Variants in USP34 observed in about 807,000 individuals in gnomAD.
USP34 encodes ubiquitin specific peptidase 34, also known as ubiquitin carboxyl-terminal hydrolase 34.
In USP34, 70 loss-of-function variants were observed where a neutral mutation model predicts 460.3. That is an observed-to-expected ratio of 0.15 (90% CI 0.13 to 0.19). The LOEUF (loss-of-function observed/expected upper bound fraction) is 0.19, where lower values mean the gene tolerates loss of function less well. Ranked by LOEUF, USP34 falls within the 10% of genes least tolerant of loss-of-function variation. The pLI is 1.00. For synonymous variants in USP34, 1,647 were observed against 1,405.3 expected (o/e 1.17, Z -3.85); for missense variants, 3,985 against 4,236.2 (o/e 0.94, Z 1.65).
chr2:61,402,120 T>C (rs924856025), intron 3 of USP34, among the ~76,000 whole-genome samples: 3 of 151,504 alleles, frequency 2.0e-5, no homozygotes, highest in South Asian at 2.1e-4. Flanking sequence ...AATAATAAAA[T>C]AAAAATAAAC....
chr2:61,391,455 T>A (rs561910722), intron 5 of USP34, among the ~76,000 whole-genome samples: 8 of 152,298 alleles, frequency 5.3e-5, no homozygotes, highest in African/African-American at 1.9e-4. Flanking sequence ...AAAAGAAGTA[T>A]TCAGTAACGT....
At position 61,188,228 on chromosome 2, in the gene USP34, G is replaced by C; in HGVS notation, c.10515C>G (p.Gly3505=). ...DPEVALSLSC[G]HSRGLFSHMQ... Reference sequence around the variant, plus strand: ...TATGACTAAAGAGTCCTCTGGAATGGCCACAACTGAGAGATAAAGCAACCT... The same window carrying C: ...TATGACTAAAGAGTCCTCTGGAATGCCCACAACTGAGAGATAAAGCAACCT... Residue 3505 remains glycine (G), a synonymous_variant, in exon 80 of 80, where the codon GGC becomes GGG. Transcript: ENST00000398571. The C allele has an allele frequency of 6.2e-7, 1 of 1,614,130 alleles. No homozygotes were observed. The highest frequency in any genetic ancestry group is 8.5e-7 in the Non-Finnish European group (1 of 1,180,032).
intron 1 of USP34, among the ~76,000 whole-genome samples, chr2:61,454,259 G>A (rs1695367281): frequency 6.6e-6 from 1 of 151,528 alleles, no homozygotes; most frequent in South Asian, 2.1e-4. Flanking sequence ...CAAGTAGCTG[G>A]GGATTACAGG....
chr2:61,387,572 A>G (rs1361922668), intron 5 of USP34, among the ~76,000 whole-genome samples: 1 of 146,344 alleles, frequency 6.8e-6, no homozygotes, highest in African/African-American at 2.5e-5. Context: ...ATATACACAC[A>G]TATATAAAAT....
intron 15 of USP34, among the ~76,000 whole-genome samples, chr2:61,347,495 T>A (rs754069022): frequency 3.3e-5 from 5 of 152,142 alleles, no homozygotes; most frequent in Non-Finnish European, 5.9e-5. Flanking sequence ...TGCCTCAGCC[T>A]CCCAAGTAGC....
intron 61 of USP34, among the ~76,000 whole-genome samples, chr2:61,227,810 A>T (rs1687774472): frequency 6.6e-6 from 1 of 152,184 alleles, no homozygotes; most frequent in Admixed American, 6.5e-5. Flanking sequence ...TTTTCTTATA[A>T]GCAAGCTCAT....
At chr2:61,231,900 C>G (rs1687916926) in intron 58 of USP34, among the ~76,000 whole-genome samples, 1 of 149,726 alleles carries the variant, frequency 6.7e-6, no homozygotes, top group South Asian at 2.1e-4. Context: ...AATATATACA[C>G]ACACGCATAT....
chr2:61,287,352 C>A (rs1326455306), intron 34 of USP34, among the ~76,000 whole-genome samples: 1 of 152,188 alleles, frequency 6.6e-6, no homozygotes, highest in Non-Finnish European at 1.5e-5. Flanking sequence ...CCCTACCTCC[C>A]GACTCACTGA....
intron 68 of USP34, among the ~76,000 whole-genome samples, chr2:61,213,415 C>T (rs562984181): frequency 9.9e-5 from 15 of 152,178 alleles, no homozygotes; most frequent in South Asian, 4.2e-4. Flanking sequence ...CTATAAAGGA[C>T]GGTCTGTCTT....
chr2:61,460,141 G>C (rs1441282464), intron 1 of USP34, among the ~76,000 whole-genome samples: 1 of 152,174 alleles, frequency 6.6e-6, no homozygotes, highest in Non-Finnish European at 1.5e-5. Flanking sequence ...AGCTTATTAA[G>C]AAATTACAAT....
chr2:61,458,798 T>G lies in USP34; in HGVS notation c.43+11852A>C, dbSNP rs575988908. On this transcript the variant is annotated intron_variant, in intron 1 of 79. Transcript: ENST00000398571. ...TCCTTAAAATCTTGGCGGGGCACAG[T>G]GGCTCACGCCTGTAATCCCAGCACT... Among the ~76,000 whole-genome samples the G allele has an allele frequency of 1.4e-4, 21 of 151,386 alleles. 1 individual carries two copies. The South Asian group carries it at 4.4e-3, about 31-fold the overall frequency.
intron 76 of USP34, 165 bp from the exon 77 acceptor site, chr2:61,190,823 T>C: frequency 1.4e-6 from 1 of 736,814 alleles, no homozygotes; most frequent in Non-Finnish European, 2.1e-6. Flanking sequence ...AATTTTTAGT[T>C]AACAGCAACT....
At chr2:61,397,279 C>A (rs1020503840) in intron 3 of USP34, among the ~76,000 whole-genome samples, 1 of 151,462 alleles carries the variant, frequency 6.6e-6, no homozygotes, top group Non-Finnish European at 1.5e-5. Context: ...CCTGTCTCTA[C>A]TAAAAATACA....
At chr2:61,349,036 C>G in intron 13 of USP34, 150 bp from the exon 14 acceptor site, 2 of 1,121,852 alleles carry the variant, frequency 1.8e-6, no homozygotes, top group Non-Finnish European at 2.4e-6. Flanking sequence ...AACATTTGCT[C>G]ATGATTTCTA....
At chr2:61,290,535 GAATAA>G (rs1324904436) in intron 33 of USP34, among the ~76,000 whole-genome samples, 2 of 152,030 alleles carry the variant, frequency 1.3e-5, no homozygotes, top group Non-Finnish European at 2.9e-5. Context: ...AAAGCATTCT[GAATAA>G]AAGAAGCCAG....
intron 49 of USP34, among the ~76,000 whole-genome samples, chr2:61,247,316 G>C (rs1461848206): frequency 6.6e-6 from 1 of 152,158 alleles, no homozygotes; most frequent in Non-Finnish European, 1.5e-5. Context: ...GAGATAATTA[G>C]GTCAGTAAGA....
At chr2:61,356,495 A>G (rs1296303062) in intron 10 of USP34, among the ~76,000 whole-genome samples, 2 of 151,054 alleles carry the variant, frequency 1.3e-5, no homozygotes. Flanking sequence ...ACACACACAC[A>G]CACATACACA....
chr2:61,426,730 T>G (rs1008714724), intron 1 of USP34, among the ~76,000 whole-genome samples: 2 of 152,002 alleles, frequency 1.3e-5, no homozygotes, highest in Non-Finnish European at 2.9e-5. Flanking sequence ...GTAGCCAGAG[T>G]GCAGTTACAG....
chr2:61,365,743 A>G (rs1433965528), intron 10 of USP34, among the ~76,000 whole-genome samples: 2 of 152,168 alleles, frequency 1.3e-5, no homozygotes, highest in Admixed American at 6.5e-5. Context: ...AAATGTTATA[A>G]TATTTGATAA....
Sources: gnomAD v4.1 joint callset for allele counts (sites outside exome capture counted in the v4.1 genomes callset) on GRCh38, gnomAD v4.1.1 for gene constraint, MANE v1.5 for transcripts, NCBI Gene and HGNC (gene_info 2026-07-23, HGNC 2026-07-21) for gene names.